Variants in IFT81 observed in about 807,000 individuals in gnomAD.
IFT81 encodes the protein intraflagellar transport 81.
A neutral mutation model predicts 102.6 loss-of-function variants in IFT81; 72 were observed. The observed-to-expected ratio is 0.70, with a 90% confidence interval of 0.58 to 0.85. IFT81 has a LOEUF of 0.85. IFT81 is among the 40% of genes least tolerant of loss of function. The pLI, the probability that IFT81 is intolerant of heterozygous loss-of-function variation, is 0.00. For synonymous variants in IFT81, 237 were observed against 242.7 expected (o/e 0.98, Z 0.22); for missense variants, 723 against 787.3 (o/e 0.92, Z 0.98).
chr12:110,207,556 CT>C (rs896586216), intron 17 of IFT81, among the ~76,000 whole-genome samples: 170 of 97,232 alleles, frequency 1.7e-3, no homozygotes, highest in African/African-American at 5.4e-3. Context: ...GTCCTTCAGT[CT>C]TTTTTTTTTT....
intron 18 of IFT81, 82 bp downstream of exon 18, chr12:110,209,298 T>C (rs1253714988): frequency 5.1e-6 from 3 of 589,298 alleles, no homozygotes; most frequent in Non-Finnish European, 8.7e-6. Context: ...ACTGTCATTG[T>C]TTTCAAAAGG....
At chr12:110,180,138 A>G (rs1412351936) in intron 11 of IFT81, among the ~76,000 whole-genome samples, 1 of 152,006 alleles carries the variant, frequency 6.6e-6, no homozygotes, top group African/African-American at 2.4e-5. Flanking sequence ...AACATTACAC[A>G]TAACTGAATA....
chr12:110,203,675 A>G, intron 14 of IFT81, 189 bp from the exon 15 acceptor site: 1 of 606,972 alleles, frequency 1.6e-6, no homozygotes, highest in Non-Finnish European at 3.0e-6. Context: ...AATACATGGT[A>G]GCTATTATTA....
intron 12 of IFT81, among the ~76,000 whole-genome samples, chr12:110,189,955 A>G (rs1157091369): frequency 1.3e-5 from 2 of 152,020 alleles, no homozygotes. Flanking sequence ...TGTCACCACC[A>G]CCCTGATTCA....
intron 17 of IFT81, among the ~76,000 whole-genome samples, chr12:110,206,944 T>C (rs1302604209): frequency 6.6e-6 from 1 of 152,146 alleles, no homozygotes; most frequent in Non-Finnish European, 1.5e-5. Flanking sequence ...ATAAATTAAG[T>C]TCTATTTCTT....
intron 10 of IFT81, among the ~76,000 whole-genome samples, chr12:110,161,099 A>T (rs1254715442): frequency 6.7e-6 from 1 of 148,356 alleles, no homozygotes; most frequent in Non-Finnish European, 1.5e-5. Flanking sequence ...ATCAATTCTT[A>T]TAGAGTCTGG....
chr12:110,206,803 C>CT (rs2137592058), intron 17 of IFT81, among the ~76,000 whole-genome samples: 1 of 151,814 alleles, frequency 6.6e-6, no homozygotes, highest in South Asian at 2.1e-4. Flanking sequence ...TTCTAATACT[C>CT]TAACATATTA....
intron 11 of IFT81, chr12:110,168,491 TA>T: frequency 1.0e-6 from 1 of 961,178 alleles, no homozygotes; most frequent in Non-Finnish European, 1.2e-6. Flanking sequence ...AACGCAGCTT[TA>T]AAAAATGCAT....
Position 110,198,765 on chromosome 12 carries a change from ACTGT to A in IFT81, c.1558-5096_1558-5093del, listed in dbSNP as rs991270739. 7.4e-5 allele frequency among the ~76,000 whole-genome samples: 11 copies of A among 148,520 alleles called. 1 individual carries two copies. In the South Asian group the frequency reaches 2.1e-3, roughly 29 times the overall value. On this transcript the variant is annotated intron_variant, in intron 14 of 18. Transcript: ENST00000242591. Reference sequence around the variant, plus strand: ...ATCCACTTAATTTTTAATTTCAATGACTGTCTTTTTCATTTTTATTTTTTCTCAC... The same window carrying A: ...ATCCACTTAATTTTTAATTTCAATGACTTTTTCATTTTTATTTTTTCTCAC...
chr12:110,143,650 T>C, intron 9 of IFT81, 105 bp downstream of exon 9: 1 of 874,656 alleles, frequency 1.1e-6, no homozygotes, highest in South Asian at 1.9e-5. Context: ...ACTCTTAAAT[T>C]AACCTGTGCT....
chr12:110,187,444 T>TA (rs1897586778), intron 12 of IFT81, among the ~76,000 whole-genome samples: 2 of 152,236 alleles, frequency 1.3e-5, no homozygotes, highest in South Asian at 4.2e-4. Context: ...TTTGTATTTT[T>TA]AGTAAAGACA....
chr12:110,208,340 C>CA (rs1868953982), intron 17 of IFT81, among the ~76,000 whole-genome samples: 1 of 151,744 alleles, frequency 6.6e-6, no homozygotes. Flanking sequence ...CTGTGTCTAC[C>CA]AAAAAAATAC....
At chr12:110,189,442 G>A (rs1026429827) in intron 12 of IFT81, among the ~76,000 whole-genome samples, 3 of 151,950 alleles carry the variant, frequency 2.0e-5, no homozygotes, top group African/African-American at 4.8e-5. Flanking sequence ...TCCACCTCCC[G>A]GGTTCAAGTG....
rs746646878 is a variant in IFT81, at chr12:110,162,927, C to A, written c.1050C>A (p.Ile350=). ...KLSLYRQQAS[I]ISRKKEAKAE... ...ATTTAATGCTCAATCAGGCATCTAT[C>A]ATTTCCCGTAAAAAAGAAGCCAAAG... The change falls in exon 11 of 19, where the codon ATC becomes ATA. Residue 350 remains isoleucine (I), a synonymous_variant. Transcript: ENST00000242591. The A allele has an allele frequency of 6.2e-7, 1 of 1,611,750 alleles. No homozygotes were observed. The highest frequency in any genetic ancestry group is 1.1e-5 in the South Asian group (1 of 90,720).
intron 3 of IFT81, 34 bp from the exon 4 acceptor site, chr12:110,128,916 C>A (rs756314508): frequency 3.3e-6 from 5 of 1,533,920 alleles, no homozygotes; most frequent in Admixed American, 1.8e-5. Flanking sequence ...CCGTTAAGTG[C>A]GTGTGTGTTT....
At chr12:110,155,663 A>G (rs1895800220) in intron 10 of IFT81, among the ~76,000 whole-genome samples, 1 of 152,096 alleles carries the variant, frequency 6.6e-6, no homozygotes, top group African/African-American at 2.4e-5. Context: ...TTAATTAGAT[A>G]ATCAATCTAT....
At chr12:110,189,159 T>C (rs532281452) in intron 12 of IFT81, among the ~76,000 whole-genome samples, 8 of 152,066 alleles carry the variant, frequency 5.3e-5, no homozygotes, top group Non-Finnish European at 7.4e-5. Flanking sequence ...TTATCATTTC[T>C]TTAAAGTTTA....
chr12:110,198,209 T>C (rs147066960), intron 14 of IFT81, among the ~76,000 whole-genome samples: 4,215 of 152,216 alleles, frequency 0.028, 85 homozygotes, highest in Middle Eastern at 0.082. Flanking sequence ...GTTTTGTGAG[T>C]GTGCGCGTAT....
chr12:110,127,536 C>G lies in IFT81; in HGVS notation c.144+12C>G, dbSNP rs1893921514. 1.3e-6 allele frequency: 2 copies of G among 1,577,728 alleles called. No homozygotes were observed. The highest frequency in any genetic ancestry group is 8.6e-7 in the Non-Finnish European group (1 of 1,167,932). ...AGATTGACCCAAAGGTAAGAGTTTT[C>G]TCTTTCTTTTTGATGGGTAGCAGAA... On this transcript the variant is annotated intron_variant, in intron 2 of 18. Transcript: ENST00000242591.
Sources: allele counts gnomAD v4.1 joint callset (sites outside exome capture counted in the v4.1 genomes callset), GRCh38; gene constraint gnomAD v4.1.1; transcripts MANE v1.5; gene names NCBI Gene and HGNC (gene_info 2026-07-23, HGNC 2026-07-21).